The following FTCDNL1 variants were observed in gnomAD, a reference collection of about 807,000 sequenced individuals.
The protein encoded by FTCDNL1 is formiminotransferase cyclodeaminase N-terminal like.
A neutral mutation model predicts 5.9 loss-of-function variants in FTCDNL1; 11 were observed. That is an observed-to-expected ratio of 1.87 (90% CI 1.18 to 3.10). The LOEUF (loss-of-function observed/expected upper bound fraction) is 3.10, where lower values mean the gene tolerates loss of function less well. FTCDNL1 is among the 30% of genes most tolerant of loss of function. The pLI is 0.00. For synonymous variants in FTCDNL1, 58 were observed against 24.8 expected, an observed-to-expected ratio of 2.34 and a Z score of -3.99; for missense variants, 115 against 65.5, an observed-to-expected ratio of 1.76 and a Z score of -2.61.
chr2:199,716,746 G>A, the FTCDNL1 span, among the ~76,000 whole-genome samples: 1 of 152,118 alleles, frequency 6.6e-6, no homozygotes, highest in African/African-American at 2.4e-5. Context: ...TTAATAATTT[G>A]CCTTAATAGA....
At chr2:199,841,481 C>T (rs959316040) in intron 3 of FTCDNL1, among the ~76,000 whole-genome samples, 1 of 152,112 alleles carries the variant, frequency 6.6e-6, no homozygotes, top group Non-Finnish European at 1.5e-5. Context: ...CTACATCTCA[C>T]CTGAGCTCTA....
Position 199,823,236 on chromosome 2 carries a change from A to C in FTCDNL1, c.212-3479T>G, listed in dbSNP as rs1305246555. Among the ~76,000 whole-genome samples, 4 of 152,200 alleles carry C rather than the reference A, an allele frequency of 2.6e-5. No individual in the cohort carries two copies. The East Asian group carries it at 7.7e-4, about 29-fold the overall frequency. On this transcript the variant is annotated intron_variant, in intron 3 of 4. Transcript: ENST00000420128. ...TTTTAGTTTTCTTGCTATTTTCACC[A>C]CATCTGCAGTGACTTCCTCCACTAA...
chr2:199,767,745 A>T (rs1482222123), intron 3 of FTCDNL1, among the ~76,000 whole-genome samples: 1 of 152,204 alleles, frequency 6.6e-6, no homozygotes. Context: ...GGAAGCAGAG[A>T]GCAAGTCCTC....
exon 4 of FTCDNL1, chr2:199,760,707 T>C (rs142795046): frequency 3.6e-5 from 24 of 673,832 alleles, no homozygotes; most frequent in African/African-American, 3.5e-4. Flanking sequence ...AAGAATTAAA[T>C]GGTACTGTGT....
At chr2:199,701,987 A>G in the FTCDNL1 span, among the ~76,000 whole-genome samples, 1 of 152,192 alleles carries the variant, frequency 6.6e-6, no homozygotes, top group East Asian at 1.9e-4. Flanking sequence ...ATGATCTGAG[A>G]TTGCACCACT....
intron 3 of FTCDNL1, among the ~76,000 whole-genome samples, chr2:199,780,410 C>T (rs1445740173): frequency 6.6e-6 from 1 of 152,190 alleles, no homozygotes; most frequent in African/African-American, 2.4e-5. Context: ...CCCCACACCT[C>T]AGTCCACTCT....
chr2:199,710,342 T>C, the FTCDNL1 span, among the ~76,000 whole-genome samples: 2 of 152,154 alleles, frequency 1.3e-5, no homozygotes, highest in Non-Finnish European at 2.9e-5. Flanking sequence ...GTGTGAGTTA[T>C]GGTGCTGTTG....
chr2:199,672,300 C>G, the FTCDNL1 span, among the ~76,000 whole-genome samples: 1 of 152,138 alleles, frequency 6.6e-6, no homozygotes, highest in East Asian at 1.9e-4. Context: ...TTTAGCTAAT[C>G]AGGGATATAC....
intron 3 of FTCDNL1, among the ~76,000 whole-genome samples, chr2:199,782,642 T>C (rs1248310716): frequency 6.6e-6 from 1 of 152,226 alleles, no homozygotes; most frequent in Non-Finnish European, 1.5e-5. Flanking sequence ...CTGGTGGACC[T>C]GAACCAGAAC....
chr2:199,848,710 T>C, intron 2 of FTCDNL1, 138 bp downstream of exon 2: 1 of 566,750 alleles, frequency 1.8e-6, no homozygotes, highest in Non-Finnish European at 3.1e-6. Context: ...TGCGCAGAGC[T>C]GCAACAGCTC....
chr2:199,719,242 T>A, the FTCDNL1 span, among the ~76,000 whole-genome samples: 1 of 152,192 alleles, frequency 6.6e-6, no homozygotes, highest in African/African-American at 2.4e-5. Flanking sequence ...GGGTCCAGTT[T>A]CATTCTTCTG....
chr2:199,751,484 C>A, the FTCDNL1 span, among the ~76,000 whole-genome samples: 1 of 152,142 alleles, frequency 6.6e-6, no homozygotes, highest in African/African-American at 2.4e-5. Flanking sequence ...GATTACAGAG[C>A]CTCAGATTGC....
At chr2:199,844,359 TA>T (rs1473761821) in intron 3 of FTCDNL1, 2 of 498,938 alleles carry the variant, frequency 4.0e-6, no homozygotes, top group Non-Finnish European at 3.7e-6. Flanking sequence ...AAAGAACACA[TA>T]ACCCCAAACT....
At chr2:199,679,837 C>T in the FTCDNL1 span, among the ~76,000 whole-genome samples, 2 of 152,108 alleles carry the variant, frequency 1.3e-5, no homozygotes, top group Admixed American at 6.5e-5. Context: ...CAATCTAGAT[C>T]ATTACTACTA....
At chr2:199,827,323 G>T (rs184489427) in intron 3 of FTCDNL1, among the ~76,000 whole-genome samples, 1 of 152,124 alleles carries the variant, frequency 6.6e-6, no homozygotes, top group Non-Finnish European at 1.5e-5. Context: ...GGAAAAAACT[G>T]GGGGATTTCG....
chr2:199,749,813 G>A, the FTCDNL1 span, among the ~76,000 whole-genome samples: 1 of 152,104 alleles, frequency 6.6e-6, no homozygotes, highest in Non-Finnish European at 1.5e-5. Context: ...TGTCTCTGAG[G>A]ACATGAATGA....
chr2:199,704,862 C>G, the FTCDNL1 span, among the ~76,000 whole-genome samples: 2 of 152,106 alleles, frequency 1.3e-5, no homozygotes, highest in African/African-American at 4.8e-5. Flanking sequence ...TATCCACAGA[C>G]ATAGAGATCC....
At chr2:199,673,343 A>AAAAAAAAAC in the FTCDNL1 span, among the ~76,000 whole-genome samples, 1 of 151,502 alleles carries the variant, frequency 6.6e-6, no homozygotes, top group African/African-American at 2.4e-5. Flanking sequence ...AAAAAAAAAA[A>AAAAAAAAAC]AAAAAAAGTC....
the FTCDNL1 span, among the ~76,000 whole-genome samples, chr2:199,723,997 G>C: frequency 6.6e-6 from 1 of 152,182 alleles, no homozygotes; most frequent in Non-Finnish European, 1.5e-5. Flanking sequence ...GAATTTAGCT[G>C]TGAGTCCATC....
Sources: allele counts gnomAD v4.1 joint callset (sites outside exome capture counted in the v4.1 genomes callset), GRCh38; gene constraint gnomAD v4.1.1; transcripts MANE v1.5; gene names NCBI Gene and HGNC (gene_info 2026-07-23, HGNC 2026-07-21).